SHC4: variants seen among roughly 807,000 people sequenced by gnomAD.
The protein encoded by SHC4 is SHC adaptor protein 4.
In SHC4, 41 loss-of-function variants were observed where a neutral mutation model predicts 69.4. That is an observed-to-expected ratio of 0.59 (90% CI 0.46 to 0.77). The LOEUF is 0.77. SHC4 is among the 30% of genes least tolerant of loss of function. SHC4 has a pLI of 0.00. For missense variants in SHC4, 777 were observed against 783.8 expected, an observed-to-expected ratio of 0.99 and a Z score of 0.10; for synonymous variants, 318 against 299.3, an observed-to-expected ratio of 1.06 and a Z score of -0.64.
intron 5 of SHC4, among the ~76,000 whole-genome samples, chr15:48,871,299 C>T (rs1195178230): frequency 6.6e-6 from 1 of 152,172 alleles, no homozygotes; most frequent in Non-Finnish European, 1.5e-5. Flanking sequence ...CTCTTCTAAC[C>T]TTTCATCAAA....
chr15:48,909,569 C>T (rs1022871067), intron 2 of SHC4, among the ~76,000 whole-genome samples: 10 of 152,098 alleles, frequency 6.6e-5, no homozygotes, highest in African/African-American at 2.2e-4. Context: ...CTGATTGCTC[C>T]GGCTAGGACT....
intron 1 of SHC4, among the ~76,000 whole-genome samples, chr15:48,941,691 T>C (rs1474239174): frequency 6.6e-6 from 1 of 152,304 alleles, no homozygotes; most frequent in East Asian, 1.9e-4. Context: ...ATCAAGTAAC[T>C]TTGAAAGTTG....
At chr15:48,838,666 G>T (rs1007151249) in intron 10 of SHC4, among the ~76,000 whole-genome samples, 1 of 152,074 alleles carries the variant, frequency 6.6e-6, no homozygotes, top group Admixed American at 6.6e-5. Flanking sequence ...TTAGTATATA[G>T]TAATTAAGAT....
intron 6 of SHC4, among the ~76,000 whole-genome samples, chr15:48,860,263 C>T (rs1166085559): frequency 6.6e-6 from 1 of 152,074 alleles, no homozygotes; most frequent in African/African-American, 2.4e-5. Context: ...CCTGTAATCC[C>T]AGTACTTTGG....
intron 9 of SHC4, among the ~76,000 whole-genome samples, chr15:48,847,022 C>G (rs1232831897): frequency 6.9e-6 from 1 of 145,420 alleles, no homozygotes. Context: ...CTGCCATCCC[C>G]TTTTTTTTTT....
chr15:48,903,256 G>T (rs554546831), intron 2 of SHC4, among the ~76,000 whole-genome samples: 17 of 152,282 alleles, frequency 1.1e-4, no homozygotes, highest in African/African-American at 4.1e-4. Context: ...TGCCTGGCAG[G>T]TAGAGAGATG....
At chr15:48,837,183 A>G (rs1429686441) in intron 10 of SHC4, among the ~76,000 whole-genome samples, 2 of 152,230 alleles carry the variant, frequency 1.3e-5, no homozygotes, top group Non-Finnish European at 2.9e-5. Context: ...AAAAAGAGAC[A>G]TTATATCATC....
At chr15:48,867,529 G>C (rs762456549) in intron 6 of SHC4, among the ~76,000 whole-genome samples, 1 of 152,150 alleles carries the variant, frequency 6.6e-6, no homozygotes, top group Non-Finnish European at 1.5e-5. Context: ...TGTCCAGTGG[G>C]GATGTGACAG....
At chr15:48,937,480 C>G (rs1901092583) in intron 1 of SHC4, among the ~76,000 whole-genome samples, 1 of 152,070 alleles carries the variant, frequency 6.6e-6, no homozygotes, top group Non-Finnish European at 1.5e-5. Flanking sequence ...AGCTGCTGTT[C>G]CATGTCATCT....
intron 2 of SHC4, among the ~76,000 whole-genome samples, chr15:48,918,362 C>G (rs2141020799): frequency 6.6e-6 from 1 of 152,286 alleles, no homozygotes; most frequent in Non-Finnish European, 1.5e-5. Flanking sequence ...ATGTGTGTTT[C>G]TCAAGGCCAT....
chr15:48,840,420 T>C (rs1898969997), intron 10 of SHC4, among the ~76,000 whole-genome samples: 1 of 152,206 alleles, frequency 6.6e-6, no homozygotes, highest in South Asian at 2.1e-4. Context: ...CCTAAGAGCA[T>C]ACCTGAGAGA....
chr15:48,949,563 C>G (rs150371084), intron 1 of SHC4, among the ~76,000 whole-genome samples: 8 of 152,058 alleles, frequency 5.3e-5, no homozygotes, highest in Non-Finnish European at 1.0e-4. Context: ...TGTTTGGCAG[C>G]GCAAATCCTC....
intron 4 of SHC4, chr15:48,878,491 G>A: frequency 6.2e-7 from 1 of 1,613,990 alleles, no homozygotes; most frequent in Non-Finnish European, 8.5e-7. Flanking sequence ...TTGATGACTG[G>A]GAGGACGACT....
chr15:48,867,868 T>A lies in SHC4; in HGVS notation c.896A>T (p.Asp299Val). The A allele has an allele frequency of 3.1e-6, 5 of 1,612,394 alleles. No individual in the cohort carries two copies. In the South Asian group the frequency reaches 3.3e-5, roughly 11 times the overall value. Reference sequence around the variant, plus strand: ...TACGTAGGCAACATAGTCTGTAGTATCCTATAAAAAAGGGAAAATGACTGT... The same window carrying A: ...TACGTAGGCAACATAGTCTGTAGTAACCTATAAAAAAGGGAAAATGACTGT... ...SISFASGGDP[D>V]TTDYVAYVAK... is the part of the protein sequence containing the mutation. Residue 299 changes from aspartate (D) to valine (V), a missense_variant and splice_region_variant, in exon 6 of 12, where the codon GAT becomes GTT. Asp to Val is a radical substitution (Grantham distance 152). Coordinates refer to ENST00000332408, the MANE Select transcript of SHC4 (RefSeq NM_203349.4).
chr15:48,831,168 C>T (rs1898792797), intron 11 of SHC4, among the ~76,000 whole-genome samples: 1 of 151,510 alleles, frequency 6.6e-6, no homozygotes, highest in Non-Finnish European at 1.5e-5. Context: ...AGTGTTATTA[C>T]AAAAAAGTCA....
rs531132231 is a variant in SHC4, at chr15:48,913,527, C to T, written c.656+11352G>A. On this transcript the variant is annotated intron_variant, in intron 2 of 11. Transcript: ENST00000332408. ...CCTGCCCCAGCTCCAGGCTACCTGCCTCCCAGCTGCAAAAGTAAAGGTCTT... is the reference window on the plus strand; with the variant it reads ...CCTGCCCCAGCTCCAGGCTACCTGCTTCCCAGCTGCAAAAGTAAAGGTCTT... Among the ~76,000 whole-genome samples, 5 of 152,162 alleles carry T rather than the reference C, an allele frequency of 3.3e-5. No individual in the cohort carries two copies. In the East Asian group the frequency reaches 9.7e-4, roughly 29 times the overall value.
chr15:48,847,916 C>T (rs566551316), intron 9 of SHC4, among the ~76,000 whole-genome samples: 15 of 151,032 alleles, frequency 9.9e-5, no homozygotes, highest in East Asian at 3.9e-4. Flanking sequence ...GCAGGAGAAT[C>T]GCTTGAACCC....
intron 1 of SHC4, among the ~76,000 whole-genome samples, chr15:48,935,729 C>T (rs1043868514): frequency 6.6e-6 from 1 of 152,034 alleles, no homozygotes; most frequent in Admixed American, 6.6e-5. Context: ...GGGAGTAGGG[C>T]ATCTCCTGCC....
rs1056380259 is a variant in SHC4 at position 48,959,687 on chromosome 15, CT to C, written c.585+2743del. Among the ~76,000 whole-genome samples, 64 of 152,170 alleles carry C rather than the reference CT, an allele frequency of 4.2e-4. 1 individual carries two copies. Among genetic ancestry groups the C allele is most frequent in the Non-Finnish European group, 1.3e-4 (9 of 68,036 alleles). Reference sequence around the variant, plus strand: ...GGTTTGATTTAAAATTTTTTATGTGCTTTTTCCTACAGATGGGAATACAGAG... The same window carrying C: ...GGTTTGATTTAAAATTTTTTATGTGCTTTTCCTACAGATGGGAATACAGAG... On this transcript the variant is annotated intron_variant, in intron 1 of 11. Coordinates refer to ENST00000332408, the MANE Select transcript of SHC4 (RefSeq NM_203349.4).
Sources: gnomAD v4.1 joint callset for allele counts (sites outside exome capture counted in the v4.1 genomes callset) on GRCh38, gnomAD v4.1.1 for gene constraint, MANE v1.5 for transcripts, NCBI Gene and HGNC (gene_info 2026-07-23, HGNC 2026-07-21) for gene names.